Variants in OR51L1 observed in about 807,000 individuals in gnomAD.
OR51L1 encodes the protein olfactory receptor family 51 subfamily L member 1.
OR51L1 carries 1 observed loss-of-function variant against 1.4 expected under a neutral mutation model. That is an observed-to-expected ratio of 0.72 (90% CI 0.26 to 3.42). The LOEUF is 3.42. Ranked by LOEUF, OR51L1 falls within the 30% of genes most tolerant of loss-of-function variation. The probability of loss-of-function intolerance (pLI) is 0.20; values close to 1 mark genes in which losing one functional copy is unlikely to be tolerated. For synonymous variants in OR51L1, 156 were observed against 144.2 expected (o/e 1.08, Z -0.59); for missense variants, 378 against 380.0 (o/e 0.99, Z 0.04).
rs772790375 is a variant in OR51L1 at position 4,999,202 on chromosome 11, G to C, written c.220G>C (p.Gly74Arg). 6.2e-7 allele frequency: 1 copy of C among 1,614,088 alleles called. No homozygotes were observed. The highest frequency in any genetic ancestry group is 8.5e-7 in the Non-Finnish European group (1 of 1,179,992). Reference protein sequence around the residue: ...FISILAVNDLGMSLSTLPTML... With the variant: ...FISILAVNDLRMSLSTLPTML... ...TTCCATCTTAGCAGTGAATGACCTG[G>C]GGATGTCCCTGTCTACACTTCCCAC... The change falls in exon 3 of 3, where the codon GGG (glycine) becomes CGG (arginine). Residue 74 changes from glycine (G) to arginine (R), a missense_variant. Gly to Arg is a moderately radical substitution (Grantham distance 125). Transcript: ENST00000641819.
chr11:4,996,017 C>T lies in OR51L1; in HGVS notation c.-262+682C>T, dbSNP rs115660832. On this transcript the variant is annotated intron_variant, in intron 1 of 2. Transcript: ENST00000641819. ...ATGTAGGAAGAATAAGTCTAGAGAT[C>T]TAATATACAGCATGACCACAGTTCA... Among the ~76,000 whole-genome samples, 624 of 152,088 alleles carry T rather than the reference C, an allele frequency of 4.1e-3. 4 individuals carry two copies. Among genetic ancestry groups the T allele is most frequent in the African/African-American group, 0.014 (590 of 41,502 alleles).
intron 1 of OR51L1, among the ~76,000 whole-genome samples, chr11:4,995,931 A>G (rs1460692585): frequency 6.6e-6 from 1 of 152,082 alleles, no homozygotes; most frequent in African/African-American, 2.4e-5. Context: ...AAAGGGGCTT[A>G]GGGGGCCCGG....
intron 1 of OR51L1, among the ~76,000 whole-genome samples, 198 bp downstream of exon 1, chr11:4,995,533 A>AT (rs1463209355): frequency 6.6e-6 from 1 of 152,096 alleles, no homozygotes; most frequent in Non-Finnish European, 1.5e-5. Context: ...ATTTTCAGCG[A>AT]TTTTAAGATA....
Position 4,999,920 on chromosome 11 carries a change from G to A in OR51L1, c.938G>A (p.Arg313Lys). ...ATTCTCCACAAGTTTGTCCTAAGGA[G>A]GAGGTTTTAAGTAACCTCTGTCCTC... Reference protein sequence around the residue: ...LGILHKFVLRRRF With the variant: ...LGILHKFVLRKRF Residue 313 changes from arginine to lysine, a missense_variant, in exon 3 of 3, where the codon AGG becomes AAG. Coordinates refer to ENST00000641819, the MANE Select transcript of OR51L1 (RefSeq NM_001004755.2). 2 of 1,606,852 alleles carry A rather than the reference G, an allele frequency of 1.2e-6. No individual in the cohort carries two copies. Among genetic ancestry groups the A allele is most frequent in the Non-Finnish European group, 1.7e-6 (2 of 1,175,924 alleles).
rs915056214 is a variant in OR51L1, at chr11:5,002,189, G to C, written c.*2259G>C. On this transcript the variant is annotated 3_prime_UTR_variant, in exon 3 of 3. Transcript: ENST00000641819. ...CTTTTGTGCTCTGTAATGTCATATAGGTTAATGAAATTGGTTATGATGGAA... is the reference window on the plus strand; with the variant it reads ...CTTTTGTGCTCTGTAATGTCATATACGTTAATGAAATTGGTTATGATGGAA... 3 of 152,118 alleles carry C rather than the reference G, an allele frequency of 2.0e-5. No homozygotes were observed. The highest frequency in any genetic ancestry group is 2.0e-4 in the Admixed American group (3 of 15,280). 9.4% of individuals were successfully genotyped at this position (152,118 alleles called of 1,614,324 possible).
Position 4,999,799 on chromosome 11 carries a change from A to G in OR51L1, c.817A>G (p.Ile273Val), listed in dbSNP as rs1208913113. ...VHRFGKHLSP[I>V]VHILMADIYL... ...TCGCTTTGGGAAGCATCTGTCTCCC[A>G]TAGTCCACATCCTCATGGCAGACAT... Residue 273 changes from isoleucine to valine, a missense_variant, in exon 3 of 3, where the codon ATA (isoleucine) becomes GTA (valine). Coordinates refer to ENST00000641819, the MANE Select transcript of OR51L1 (RefSeq NM_001004755.2). 2 of 1,613,938 alleles carry G rather than the reference A, an allele frequency of 1.2e-6. No individual in the cohort carries two copies. The highest frequency in any genetic ancestry group is 1.3e-5 in the African/African-American group (1 of 74,892).
rs1174401995 is a variant in OR51L1, at chr11:5,000,206, A to G, written c.*276A>G. On this transcript the variant is annotated 3_prime_UTR_variant, in exon 3 of 3. Coordinates refer to ENST00000641819, the MANE Select transcript of OR51L1 (RefSeq NM_001004755.2). Reference sequence around the variant, plus strand: ...AGTTTTTTGAAAACTATACAAAATTATTAATGTTATTAAGTTGTCATTGTT... The same window carrying G: ...AGTTTTTTGAAAACTATACAAAATTGTTAATGTTATTAAGTTGTCATTGTT... The G allele has an allele frequency of 3.4e-6, 1 of 292,412 alleles. No individual in the cohort carries two copies. The highest frequency in any genetic ancestry group is 6.3e-6 in the Non-Finnish European group (1 of 158,538). The allele number at this position is 292,412 out of a possible 1,614,324, so 18.1% of individuals were successfully genotyped here. A position where few individuals can be genotyped will look rare whatever the true frequency, so the allele number is the denominator to read the frequency against.
At chr11:4,998,418 A>C (rs974403012) in intron 2 of OR51L1, among the ~76,000 whole-genome samples, 1 of 151,904 alleles carries the variant, frequency 6.6e-6, no homozygotes, top group Non-Finnish European at 1.5e-5. Context: ...CTCTCTTTTC[A>C]TATAGGGGTA....
rs763198631 is a variant in OR51L1, at chr11:4,999,485, A to G, written c.503A>G (p.Tyr168Cys). 9.3e-6 allele frequency: 15 copies of G among 1,614,010 alleles called. No individual in the cohort carries two copies. The highest frequency in any genetic ancestry group is 5.0e-5 in the Admixed American group (3 of 60,002). ...CCCACACCTTTGCTACTGAGACACT[A>G]TCACTACTGCCATGGCAATGCCCTC... ...VLPTPLLLRH[Y>C]HYCHGNALSH... Residue 168 changes from tyrosine to cysteine, a missense_variant, in exon 3 of 3, where the codon TAT (tyrosine) becomes TGT (cysteine). Transcript: ENST00000641819.
In OR51L1 at chr11:4,999,359, T is replaced by C; in HGVS notation, c.377T>C (p.Val126Ala). 2 of 1,614,166 alleles carry C rather than the reference T, an allele frequency of 1.2e-6. No individual in the cohort carries two copies. The highest frequency in any genetic ancestry group is 1.7e-6 in the Non-Finnish European group (2 of 1,180,026). Residue 126 changes from valine (V) to alanine (A), a missense_variant, in exon 3 of 3, where the codon GTT becomes GCT. Coordinates refer to ENST00000641819, the MANE Select transcript of OR51L1 (RefSeq NM_001004755.2). ...CTGGCCATGGCCTTTGACCGTTTTGTTGCTATCTGCCATCCACTGCACTAC... is the reference window on the plus strand; with the variant it reads ...CTGGCCATGGCCTTTGACCGTTTTGCTGCTATCTGCCATCCACTGCACTAC... The part of the protein sequence containing the change: ...VLLAMAFDRF[V>A]AICHPLHYPT...
rs1409051717 is a variant in OR51L1, at chr11:4,996,735, T to TTCTTTCTC, written c.-261-740_-261-739insCTCTTTCT. ...CCTTTCTTTTCTTTTCTTTCTTTCT[T>TTCTTTCTC]TCTTTCTTTCTTTCTTTCTTTCTTT... On this transcript the variant is annotated intron_variant, in intron 1 of 2. Coordinates refer to ENST00000641819, the MANE Select transcript of OR51L1 (RefSeq NM_001004755.2). Among the ~76,000 whole-genome samples the TTCTTTCTC allele has an allele frequency of 2.7e-5, 4 of 148,730 alleles. No homozygotes were observed. In the Admixed American group the frequency reaches 2.7e-4, roughly 10 times the overall value.
At chr11:4,998,784 A>C in intron 2 of OR51L1, 40 bp from the exon 3 acceptor site, 1 of 558,040 alleles carries the variant, frequency 1.8e-6, no homozygotes, top group East Asian at 2.9e-5. Context: ...TTTGTTCCAG[A>C]ATTTGTGCTC....
intron 1 of OR51L1, among the ~76,000 whole-genome samples, chr11:4,996,419 A>G (rs886883462): frequency 3.3e-5 from 5 of 152,250 alleles, no homozygotes; most frequent in Middle Eastern, 3.4e-3. Context: ...CCTCAAATCT[A>G]TTGGCCAGTC....
Position 4,998,805 on chromosome 11 carries a change from G to A in OR51L1, c.-159-19G>A, listed in dbSNP as rs1410844601. ...CCAGAATTTGTGCTCCTTAATATTG[G>A]GAAATGTTTTTTACATAGGGCCGAC... is the stretch of plus-strand genomic sequence containing the variant. On this transcript the variant is annotated intron_variant, in intron 2 of 2. Transcript: ENST00000641819. The A allele has an allele frequency of 1.1e-5, 7 of 638,022 alleles. No homozygotes were observed. Among genetic ancestry groups the A allele is most frequent in the Non-Finnish European group, 2.6e-6 (1 of 383,092 alleles). The allele number at this position is 638,022 out of a possible 1,614,324, so 39.5% of individuals were successfully genotyped here. A position where few individuals can be genotyped will look rare whatever the true frequency, so the allele number is the denominator to read the frequency against.
chr11:5,000,177 G>A lies in OR51L1; in HGVS notation c.*247G>A, dbSNP rs2445291. On this transcript the variant is annotated 3_prime_UTR_variant, in exon 3 of 3. Transcript: ENST00000641819. ...TTATAATAGAAAATGTATGTGCTAA[G>A]TCAAGTTTTTTGAAAACTATACAAA... 0.064 allele frequency: 22,998 copies of A among 360,254 alleles called. 1,346 individuals are homozygous for A. The highest frequency in any genetic ancestry group is 0.25 in the East Asian group (5,924 of 23,524). The allele number at this position is 360,254 out of a possible 1,614,324, so 22.3% of individuals were successfully genotyped here.
At position 4,998,990 on chromosome 11, in the gene OR51L1, A is replaced by G. The variant is rs188505113; in HGVS notation, c.8A>G (p.Asp3Gly). The G allele has an allele frequency of 6.2e-7, 1 of 1,612,860 alleles. No individual in the cohort carries two copies. The highest frequency in any genetic ancestry group is 1.3e-5 in the African/African-American group (1 of 74,962). The change falls in exon 3 of 3, where the codon GAC (aspartate) becomes GGC (glycine). Residue 3 changes from aspartate (D) to glycine (G), a missense_variant. Transcript: ENST00000641819. MGDWNNSDAVEPI... is the reference protein window; with the variant it reads MGGWNNSDAVEPI... ...GAATTACTCAAAGTCACTATGGGAG[A>G]CTGGAATAACAGTGATGCTGTGGAG...
At position 5,001,395 on chromosome 11, in the gene OR51L1, C is replaced by G. The variant is rs976211961; in HGVS notation, c.*1465C>G. 2 of 152,068 alleles carry G rather than the reference C, an allele frequency of 1.3e-5. No homozygotes were observed. Among genetic ancestry groups the G allele is most frequent in the Non-Finnish European group, 2.9e-5 (2 of 68,028 alleles). 9.4% of individuals were successfully genotyped at this position (152,068 alleles called of 1,614,324 possible). On this transcript the variant is annotated 3_prime_UTR_variant, in exon 3 of 3. Transcript: ENST00000641819. ...TATATATTTTAAAGAAAATGGGGTA[C>G]TCAGTTACAGGAATTGTTGAAGAAA...
Position 4,999,457 on chromosome 11 carries a change from C to CT in OR51L1, c.477dup (p.Pro160SerfsTer66), listed in dbSNP as rs1433432281. 1.9e-6 allele frequency: 3 copies of CT among 1,614,052 alleles called. No homozygotes were observed. Among genetic ancestry groups the CT allele is most frequent in the Non-Finnish European group, 2.5e-6 (3 of 1,180,046 alleles). ...TTTGCTACGAAGCTTGGGAGTTGTA[C>CT]TTCCCACACCTTTGCTACTGAGACA... On this transcript the variant is annotated frameshift_variant, in exon 3 of 3. Coordinates refer to ENST00000641819, the MANE Select transcript of OR51L1 (RefSeq NM_001004755.2). LOFTEE classifies it low-confidence loss of function (END_TRUNC).
Position 5,001,497 on chromosome 11 carries a change from T to C in OR51L1, c.*1567T>C, listed in dbSNP as rs776964512. The C allele has an allele frequency of 7.2e-5, 11 of 152,176 alleles. No homozygotes were observed. Among genetic ancestry groups the C allele is most frequent in the Admixed American group, 1.3e-4 (2 of 15,286 alleles). The allele number at this position is 152,176 out of a possible 1,614,324, so 9.4% of individuals were successfully genotyped here. A position where few individuals can be genotyped will look rare whatever the true frequency, so the allele number is the denominator to read the frequency against. On this transcript the variant is annotated 3_prime_UTR_variant, in exon 3 of 3. Transcript: ENST00000641819. ...TACTATAGGACAGGATTTTGTGTCT[T>C]AATTTGTGAATGGGTTAAGAGTTGT... is the stretch of plus-strand genomic sequence containing the variant.
Sources: allele counts gnomAD v4.1 joint callset (sites outside exome capture counted in the v4.1 genomes callset), GRCh38; gene constraint gnomAD v4.1.1; transcripts MANE v1.5; gene names NCBI Gene and HGNC (gene_info 2026-07-23, HGNC 2026-07-21).